Variants in CCSER1 observed in about 807,000 individuals in gnomAD.
The protein encoded by CCSER1 is serine-rich coiled-coil domain-containing protein 1.
In CCSER1, 41 loss-of-function variants were observed where a neutral mutation model predicts 82.0. That is an observed-to-expected ratio of 0.50 (90% CI 0.39 to 0.65). The LOEUF (loss-of-function observed/expected upper bound fraction) is 0.65, where lower values mean the gene tolerates loss of function less well. CCSER1 is among the 30% of genes least tolerant of loss of function. The pLI is 0.00. For synonymous variants in CCSER1, 414 were observed against 383.9 expected, an observed-to-expected ratio of 1.08 and a Z score of -0.92; for missense variants, 1,119 against 1,064.2, an observed-to-expected ratio of 1.05 and a Z score of -0.72.
intron 3 of CCSER1, among the ~76,000 whole-genome samples, chr4:90,348,861 C>T (rs1352261118): frequency 6.6e-6 from 1 of 152,114 alleles, no homozygotes; most frequent in Non-Finnish European, 1.5e-5. Flanking sequence ...TTGTGAACCA[C>T]ATTTTAACTA....
chr4:90,197,080 G>C (rs1560780784), intron 1 of CCSER1, among the ~76,000 whole-genome samples: 1 of 152,026 alleles, frequency 6.6e-6, no homozygotes, highest in Non-Finnish European at 1.5e-5. Context: ...ATAAATTAGG[G>C]TTCCCACGAC....
chr4:90,391,443 G>T (rs1191723254), intron 3 of CCSER1, among the ~76,000 whole-genome samples: 8 of 36,930 alleles, frequency 2.2e-4, no homozygotes, highest in Admixed American at 3.3e-4. Context: ...AATATATGGG[G>T]GTATATATAT....
chr4:90,564,072 T>G lies in CCSER1; in HGVS notation c.1725-63953T>G, dbSNP rs138682371. Among the ~76,000 whole-genome samples the G allele has an allele frequency of 1.9e-4, 29 of 152,374 alleles. No homozygotes were observed. The East Asian group carries it at 5.6e-3, about 29-fold the overall frequency. ...ATTTTCTCACATACCTATTGATTTG[T>G]ATGTCCTCTTTTGAGAAATATCTAA... On this transcript the variant is annotated intron_variant, in intron 5 of 10. Transcript: ENST00000509176.
chr4:91,219,716 T>C (rs1737586347), intron 10 of CCSER1, among the ~76,000 whole-genome samples: 1 of 152,242 alleles, frequency 6.6e-6, no homozygotes, highest in Admixed American at 6.5e-5. Context: ...AAAAGATTCC[T>C]GTTGGTAACA....
At chr4:90,843,120 C>A (rs1762778228) in intron 8 of CCSER1, among the ~76,000 whole-genome samples, 1 of 152,052 alleles carries the variant, frequency 6.6e-6, no homozygotes, top group African/African-American at 2.4e-5. Context: ...ATTTGCATGA[C>A]CTTGGGTAAG....
At chr4:90,638,511 G>C (rs1361648468) in intron 6 of CCSER1, among the ~76,000 whole-genome samples, 2 of 152,026 alleles carry the variant, frequency 1.3e-5, no homozygotes, top group Non-Finnish European at 2.9e-5. Flanking sequence ...AATAACATAG[G>C]TTAAAAAAAT....
At chr4:90,402,005 G>C (rs1752943854) in intron 4 of CCSER1, among the ~76,000 whole-genome samples, 1 of 152,176 alleles carries the variant, frequency 6.6e-6, no homozygotes, top group African/African-American at 2.4e-5. Context: ...CCTCTGAAGT[G>C]TTCGTGTCCT....
At chr4:90,172,097 A>G (rs1337702143) in intron 1 of CCSER1, among the ~76,000 whole-genome samples, 4 of 151,918 alleles carry the variant, frequency 2.6e-5, no homozygotes, top group South Asian at 2.1e-4. Context: ...TGAAAAGGCC[A>G]TGCTCTTTGC....
intron 9 of CCSER1, among the ~76,000 whole-genome samples, chr4:91,067,833 A>C (rs949943994): frequency 6.6e-6 from 1 of 152,234 alleles, no homozygotes; most frequent in Non-Finnish European, 1.5e-5. Context: ...TGCTATAGAG[A>C]GTAACTAGTC....
intron 10 of CCSER1, among the ~76,000 whole-genome samples, chr4:91,276,014 A>G (rs1256032473): frequency 6.6e-6 from 1 of 151,982 alleles, no homozygotes; most frequent in African/African-American, 2.4e-5. Context: ...CCATCAGTCT[A>G]TGTGTCTTGT....
intron 5 of CCSER1, among the ~76,000 whole-genome samples, chr4:90,563,681 C>A (rs1779044193): frequency 6.6e-6 from 1 of 152,080 alleles, no homozygotes; most frequent in Non-Finnish European, 1.5e-5. Flanking sequence ...TTTATTCATT[C>A]ATGTATTGAT....
intron 1 of CCSER1, among the ~76,000 whole-genome samples, chr4:90,216,773 A>G (rs916824001): frequency 1.3e-5 from 2 of 152,166 alleles, no homozygotes; most frequent in Non-Finnish European, 2.9e-5. Flanking sequence ...TTTCGGTTCC[A>G]TATGAATTTT....
At chr4:90,991,480 C>G (rs1737022017) in intron 9 of CCSER1, among the ~76,000 whole-genome samples, 1 of 151,862 alleles carries the variant, frequency 6.6e-6, no homozygotes, top group Non-Finnish European at 1.5e-5. Flanking sequence ...TCCACGTATC[C>G]CTTGGCTTGC....
chr4:90,265,811 A>G (rs1208604660), intron 1 of CCSER1, among the ~76,000 whole-genome samples: 2 of 152,090 alleles, frequency 1.3e-5, no homozygotes, highest in Non-Finnish European at 2.9e-5. Flanking sequence ...TCTTGATTGA[A>G]TAGATACATA....
In CCSER1 at chr4:91,382,429, G is replaced by A. The variant is rs145343708; in HGVS notation, c.2218-216143G>A. Among the ~76,000 whole-genome samples, 619 of 152,252 alleles carry A rather than the reference G, an allele frequency of 4.1e-3. 3 individuals are homozygous for A. The highest frequency in any genetic ancestry group is 0.014 in the African/African-American group (589 of 41,544). On this transcript the variant is annotated intron_variant, in intron 10 of 10. Coordinates refer to ENST00000509176, the MANE Select transcript of CCSER1 (RefSeq NM_001145065.2). ...TGGCGGGCACCTGGCCCTCAGCCTC[G>A]CTGCTGTCTTGCAGTTCGATCTCAG...
At chr4:91,056,402 T>C (rs550135084) in intron 9 of CCSER1, among the ~76,000 whole-genome samples, 3 of 152,296 alleles carry the variant, frequency 2.0e-5, no homozygotes, top group African/African-American at 7.2e-5. Context: ...GCTTCCAAGA[T>C]GGCACCTTGA....
At chr4:90,303,027 C>T (rs1220569258) in intron 1 of CCSER1, among the ~76,000 whole-genome samples, 2 of 151,888 alleles carry the variant, frequency 1.3e-5, no homozygotes, top group African/African-American at 4.8e-5. Flanking sequence ...GAGAAACTCT[C>T]AAGGGAAATA....
In CCSER1 at chr4:90,887,686, A is replaced by G. The variant is rs151139303; in HGVS notation, c.2095-35684A>G. Among the ~76,000 whole-genome samples the G allele has an allele frequency of 3.4e-4, 52 of 152,282 alleles. 1 individual carries two copies. The East Asian group carries it at 0.01, about 29-fold the overall frequency. On this transcript the variant is annotated intron_variant, in intron 8 of 10. Transcript: ENST00000509176. ...ATCACGAGGTCAAGAGCTCAAGAGC[A>G]TCCTGGCCAACATGGTGTAACCCTG...
chr4:90,501,691 ATGT>A (rs1475696295), intron 5 of CCSER1, among the ~76,000 whole-genome samples: 1 of 152,316 alleles, frequency 6.6e-6, no homozygotes, highest in East Asian at 1.9e-4. Context: ...AAGCTGTACT[ATGT>A]TGTTGTGGAA....
Sources: gnomAD v4.1 joint callset for allele counts (sites outside exome capture counted in the v4.1 genomes callset) on GRCh38, gnomAD v4.1.1 for gene constraint, MANE v1.5 for transcripts, NCBI Gene and HGNC (gene_info 2026-07-23, HGNC 2026-07-21) for gene names.